EIF4E3: variants seen among roughly 807,000 people sequenced by gnomAD.
The protein encoded by EIF4E3 is eukaryotic translation initiation factor 4E type 3.
EIF4E3 carries 26 observed loss-of-function variants against 31.7 expected under a neutral mutation model. The observed-to-expected ratio is 0.82, with a 90% CI of 0.60 to 1.14. EIF4E3 has a LOEUF of 1.14. Ranked by LOEUF, EIF4E3 falls within the 50% of genes most tolerant of loss-of-function variation. The pLI is 0.00. For synonymous variants in EIF4E3, 128 were observed against 107.7 expected (o/e 1.19, Z -1.17); for missense variants, 304 against 270.9 (o/e 1.12, Z -0.86).
intron 1 of EIF4E3, among the ~76,000 whole-genome samples, chr3:71,748,331 G>A (rs1478465989): frequency 6.6e-6 from 1 of 152,180 alleles, no homozygotes; most frequent in African/African-American, 2.4e-5. Context: ...ACTTCAGTAT[G>A]CATGGATTTG....
Position 71,690,181 on chromosome 3 carries a change from GAAA to G in EIF4E3, c.473-19_473-17del. The G allele has an allele frequency of 1.1e-5, 13 of 1,227,526 alleles. No homozygotes were observed. The highest frequency in any genetic ancestry group is 2.9e-5 in the East Asian group (1 of 33,920). 76.0% of individuals were successfully genotyped at this position (1,227,526 alleles called of 1,614,324 possible). The stretch of plus-strand genomic sequence containing the variant: ...ACTTCATCATCTGAGGGGAAGACAG[GAAA>G]AAAAAAAAATGAGTGATACTTCCAA... On this transcript the variant is annotated splice_polypyrimidine_tract_variant and intron_variant, in intron 5 of 6. Coordinates refer to ENST00000425534, the MANE Select transcript of EIF4E3 (RefSeq NM_001134651.2).
chr3:71,745,408 G>GT (rs2049861538), intron 1 of EIF4E3, among the ~76,000 whole-genome samples: 1 of 152,100 alleles, frequency 6.6e-6, no homozygotes, highest in Admixed American at 6.6e-5. Flanking sequence ...TGTCTTACAG[G>GT]AACTTAAAGA....
At chr3:71,687,722 C>G (rs1301095891) in intron 6 of EIF4E3, among the ~76,000 whole-genome samples, 2 of 152,214 alleles carry the variant, frequency 1.3e-5, no homozygotes, top group Non-Finnish European at 2.9e-5. Flanking sequence ...TGTAAGTTAT[C>G]AATGGCCCAA....
intron 1 of EIF4E3, among the ~76,000 whole-genome samples, chr3:71,745,628 T>G (rs2049863902): frequency 6.6e-6 from 1 of 152,202 alleles, no homozygotes; most frequent in Non-Finnish European, 1.5e-5. Context: ...TATGCAATAT[T>G]TATACCATTA....
At chr3:71,721,358 G>A (rs1225784483) in intron 1 of EIF4E3, among the ~76,000 whole-genome samples, 3 of 152,200 alleles carry the variant, frequency 2.0e-5, no homozygotes, top group Admixed American at 6.5e-5. Context: ...ACAAGCCAAT[G>A]GTGGTAATGC....
chr3:71,710,370 C>T (rs549175466), intron 2 of EIF4E3, 42 bp downstream of exon 2: 27 of 1,538,464 alleles, frequency 1.8e-5, no homozygotes, highest in East Asian at 4.9e-5. Flanking sequence ...AGGTGTCTGA[C>T]GTGTGCCGTG....
At chr3:71,694,009 G>A in intron 4 of EIF4E3, 68 bp from the exon 5 acceptor site, 1 of 1,422,724 alleles carries the variant, frequency 7.0e-7, no homozygotes, top group South Asian at 1.4e-5. Flanking sequence ...TTATCCTCAG[G>A]AGCTAAACAA....
At chr3:71,754,422 G>A, upstream of EIF4E3, 1 of 1,353,934 alleles carries the variant, frequency 7.4e-7, no homozygotes, top group Non-Finnish European at 9.6e-7. The surrounding 1 kb of genome is among the most constrained non-coding windows in gnomAD (Gnocchi z 5.8). Flanking sequence ...CCTGGCCATC[G>A]CGCACCACCG....
At position 71,690,082 on chromosome 3, in the gene EIF4E3, C is replaced by T. The variant is rs1196813167; in HGVS notation, c.556G>A (p.Gly186Ser). ...ATCTTTTCTAAAACAGTCGCTTCAC[C>T]CACTAAAGAGGCATTTACATTCCAG... is the stretch of plus-strand genomic sequence containing the variant. ...QVWNVNASLV[G>S]EATVLEKIYE... is the part of the protein sequence containing the mutation. Residue 186 changes from glycine (G) to serine (S), a missense_variant, in exon 6 of 7, where the codon GGT (glycine) becomes AGT (serine). Coordinates refer to ENST00000425534, the MANE Select transcript of EIF4E3 (RefSeq NM_001134651.2). The T allele has an allele frequency of 1.2e-6, 2 of 1,613,636 alleles. No individual in the cohort carries two copies. Among genetic ancestry groups the T allele is most frequent in the African/African-American group, 2.7e-5 (2 of 74,794 alleles).
At chr3:71,713,190 T>C (rs2049409509) in intron 1 of EIF4E3, among the ~76,000 whole-genome samples, 1 of 152,232 alleles carries the variant, frequency 6.6e-6, no homozygotes, top group South Asian at 2.1e-4. Flanking sequence ...TTTATGCAGC[T>C]GTCAATATTA....
intron 2 of EIF4E3, among the ~76,000 whole-genome samples, chr3:71,707,189 T>G (rs1383607866): frequency 6.6e-6 from 1 of 152,216 alleles, no homozygotes; most frequent in African/African-American, 2.4e-5. Flanking sequence ...GCTTTTTACC[T>G]CATTGTATCA....
chr3:71,699,766 C>A, intron 2 of EIF4E3, 58 bp from the exon 3 acceptor site: 1 of 1,426,836 alleles, frequency 7.0e-7, no homozygotes, highest in Non-Finnish European at 9.7e-7. Context: ...TATTATGCTG[C>A]TAGATTATCA....
At chr3:71,729,523 C>T (rs1456207282), upstream of EIF4E3, among the ~76,000 whole-genome samples, 2 of 152,172 alleles carry the variant, frequency 1.3e-5, no homozygotes, top group East Asian at 3.9e-4. Flanking sequence ...GGCAAGCTTC[C>T]TACCCTCTCT....
At chr3:71,722,445 C>T (rs556406500) in intron 1 of EIF4E3, among the ~76,000 whole-genome samples, 4 of 152,108 alleles carry the variant, frequency 2.6e-5, no homozygotes, top group East Asian at 1.9e-4. Flanking sequence ...CAGAGGCGAG[C>T]GGGTCACCAT....
chr3:71,672,211 T>C (rs1212576679), downstream of EIF4E3, among the ~76,000 whole-genome samples: 1 of 152,062 alleles, frequency 6.6e-6, no homozygotes, highest in African/African-American at 2.4e-5. Flanking sequence ...CTCTCTAACA[T>C]TTGCCAGATA....
At chr3:71,717,551 G>C (rs1485574038) in intron 1 of EIF4E3, among the ~76,000 whole-genome samples, 1 of 152,100 alleles carries the variant, frequency 6.6e-6, no homozygotes. Context: ...ACTGGCTCTT[G>C]GTTTCCTTAT....
At chr3:71,746,102 T>C (rs1465153868) in intron 1 of EIF4E3, among the ~76,000 whole-genome samples, 1 of 152,226 alleles carries the variant, frequency 6.6e-6, no homozygotes, top group African/African-American at 2.4e-5. Flanking sequence ...CAATTATATA[T>C]TAGTCGACAA....
At position 71,689,867 on chromosome 3, in the gene EIF4E3, A is replaced by AAC. The variant is rs1553659936; in HGVS notation, c.628+141_628+142dup. On this transcript the variant is annotated intron_variant, in intron 6 of 6. Transcript: ENST00000425534. ...GCTTGTTTTTTTTAAAAAAAAAAAA[A>AAC]ACTTAAATGTATTTTGTTGAATTAT... 2.0e-3 allele frequency: 1,606 copies of AAC among 796,956 alleles called. 8 individuals carry two copies. The East Asian group carries it at 0.025, about 12-fold the overall frequency. The allele number at this position is 796,956 out of a possible 1,614,324, so 49.4% of individuals were successfully genotyped here. A position where few individuals can be genotyped will look rare whatever the true frequency, so the allele number is the denominator to read the frequency against.
chr3:71,686,486 T>C (rs554904574), intron 6 of EIF4E3, among the ~76,000 whole-genome samples: 2 of 152,034 alleles, frequency 1.3e-5, no homozygotes, highest in Non-Finnish European at 2.9e-5. Context: ...GCCTGAAATC[T>C]GAACTAATTT....
Sources: allele counts gnomAD v4.1 joint callset (sites outside exome capture counted in the v4.1 genomes callset), GRCh38; gene constraint gnomAD v4.1.1; non-coding constraint Gnocchi (gnomAD v3.1); transcripts MANE v1.5; gene names NCBI Gene and HGNC (gene_info 2026-07-23, HGNC 2026-07-21).